Variants in GRIA3 observed in about 807,000 individuals in gnomAD.
GRIA3 encodes glutamate receptor 3.
In GRIA3, 3 loss-of-function variants were observed where a neutral mutation model predicts 63.0. That is an observed-to-expected ratio of 0.05 (90% CI 0.02 to 0.12). GRIA3 has a LOEUF of 0.12. Ranked by LOEUF, GRIA3 falls within the 10% of genes least tolerant of loss-of-function variation. The probability of loss-of-function intolerance (pLI) is 1.00; values close to 1 mark genes in which losing one functional copy is unlikely to be tolerated. For missense variants in GRIA3, 347 were observed against 700.9 expected (o/e 0.50, Z 5.70); for synonymous variants, 274 against 257.9 (o/e 1.06, Z -0.60).
chrX:123,469,204 G>GTC (rs776970938), intron 13 of GRIA3, among the ~76,000 whole-genome samples: 92 of 110,035 alleles, frequency 8.4e-4, no homozygotes, highest in African/African-American at 2.8e-3. Context: ...TTATCTTTCT[G>GTC]TCTCTCTCTC....
intron 5 of GRIA3, among the ~76,000 whole-genome samples, chrX:123,373,318 A>G (rs1339782955): frequency 8.9e-6 from 1 of 111,957 alleles, no homozygotes; most frequent in Non-Finnish European, 1.9e-5. Flanking sequence ...TAGTGCCACA[A>G]TAAACATATG....
At chrX:123,484,763 G>A (rs886847624) in intron 15 of GRIA3, among the ~76,000 whole-genome samples, 2 of 112,635 alleles carry the variant, frequency 1.8e-5, no homozygotes, top group African/African-American at 3.2e-5. Context: ...GATTACAGGC[G>A]TGAGCCACCA....
chrX:123,311,303 A>T (rs1378213167), intron 3 of GRIA3, among the ~76,000 whole-genome samples: 2 of 112,410 alleles, frequency 1.8e-5, no homozygotes, highest in African/African-American at 6.5e-5. Flanking sequence ...CTGTAACATA[A>T]TCAAAAGAGT....
chrX:123,403,108 C>G lies in GRIA3; in HGVS notation c.1185+10C>G, dbSNP rs2045451850. ...CAGTGGCTCTCGAAAAGTAAGTAAC[C>G]AAAACAGACATTTAAAGAAAAGGAC... On this transcript the variant is annotated intron_variant, in intron 8 of 15. Transcript: ENST00000620443. 8 of 891,734 alleles carry G rather than the reference C, an allele frequency of 9.0e-6. No homozygotes were observed. The highest frequency in any genetic ancestry group is 1.2e-5 in the Non-Finnish European group (7 of 605,854). 73.5% of individuals were successfully genotyped at this position (891,734 alleles called of 1,213,427 possible). A position where few individuals can be genotyped will look rare whatever the true frequency, so the allele number is the denominator to read the frequency against.
At chrX:123,294,785 G>C (rs769642354) in intron 3 of GRIA3, among the ~76,000 whole-genome samples, 12 of 111,459 alleles carry the variant, frequency 1.1e-4, no homozygotes, top group Admixed American at 7.6e-4. Flanking sequence ...CGTGCCTACA[G>C]CCTCTCCATA....
At position 123,225,171 on chromosome X, in the gene GRIA3, C is replaced by T. The variant is rs149472527; in HGVS notation, c.269-28132C>T. Among the ~76,000 whole-genome samples the T allele has an allele frequency of 8.1e-4, 91 of 111,827 alleles. 1 individual carries two copies. In the East Asian group the frequency reaches 0.02, roughly 25 times the overall value. On this transcript the variant is annotated intron_variant, in intron 2 of 15. Coordinates refer to ENST00000620443, the MANE Select transcript of GRIA3 (RefSeq NM_007325.5). ...GGTATGTAATTTGGGGCAAGTCAAC[C>T]GGTGTCTCTAAGCTTCAATGTTCTC... is the stretch of plus-strand genomic sequence containing the variant.
At chrX:123,470,898 A>G (rs1292461419) in intron 13 of GRIA3, among the ~76,000 whole-genome samples, 1 of 111,935 alleles carries the variant, frequency 8.9e-6, no homozygotes, top group Admixed American at 9.5e-5. Context: ...CATTTCGGAT[A>G]CTCAGGGTTA....
At chrX:123,343,277 G>T (rs1434457363) in intron 4 of GRIA3, among the ~76,000 whole-genome samples, 1 of 110,919 alleles carries the variant, frequency 9.0e-6, no homozygotes, top group Non-Finnish European at 1.9e-5. Flanking sequence ...CTTTCCACCT[G>T]GGATCCTCTC....
chrX:123,398,861 G>A, intron 7 of GRIA3, 58 bp downstream of exon 7: 1 of 970,836 alleles, frequency 1.0e-6, no homozygotes, highest in Non-Finnish European at 1.5e-6. Flanking sequence ...TAAAAAAGAT[G>A]AGACCTTGAT....
At chrX:123,216,740 G>A (rs1928168297) in intron 2 of GRIA3, among the ~76,000 whole-genome samples, 1 of 112,128 alleles carries the variant, frequency 8.9e-6, no homozygotes, top group South Asian at 3.7e-4. Flanking sequence ...TTTCTAAACA[G>A]GAAAAAGAGT....
intron 5 of GRIA3, among the ~76,000 whole-genome samples, chrX:123,382,156 C>T (rs973835088): frequency 8.9e-6 from 1 of 112,150 alleles, no homozygotes; most frequent in African/African-American, 3.2e-5. Context: ...AAGATCTTTC[C>T]TTTCATCTCC....
rs35601010 is a variant in GRIA3 at position 123,489,000 on chromosome X, C to T, written c.*290C>T. On this transcript the variant is annotated 3_prime_UTR_variant, in exon 16 of 16. Transcript: ENST00000620443. ...AATGGACATGCAAGATTCCAGTATG[C>T]GAAAAAAAATCTTATTAAGTCAATT... 10,066 of 105,310 alleles carry T rather than the reference C, an allele frequency of 0.096. 449 individuals carry two copies. The highest frequency in any genetic ancestry group is 0.17 in the African/African-American group (4,784 of 28,774). The allele number at this position is 105,310 out of a possible 1,213,427, so 8.7% of individuals were successfully genotyped here.
intron 3 of GRIA3, among the ~76,000 whole-genome samples, chrX:123,323,831 C>T (rs1179325762): frequency 8.9e-6 from 1 of 112,057 alleles, no homozygotes; most frequent in Non-Finnish European, 1.9e-5. Context: ...AGAACTGACA[C>T]GTTTTAGTTG....
At position 123,345,007 on chromosome X, in the gene GRIA3, G is replaced by A. The variant is rs755354445; in HGVS notation, c.697-9903G>A. Among the ~76,000 whole-genome samples the A allele has an allele frequency of 1.9e-4, 21 of 111,706 alleles. No homozygotes were observed. In the East Asian group the frequency reaches 5.4e-3, roughly 29 times the overall value. On this transcript the variant is annotated intron_variant, in intron 4 of 15. Transcript: ENST00000620443. ...TCCCTGGAGAGGAGCTCAGGTGCTT[G>A]CATTTTCTAGATTCCCCAGGTGATC...
intron 7 of GRIA3, among the ~76,000 whole-genome samples, chrX:123,399,067 C>T (rs1417258365): frequency 1.8e-5 from 2 of 110,033 alleles, no homozygotes; most frequent in Non-Finnish European, 3.8e-5. Flanking sequence ...TATACTATGG[C>T]TAGTAAATGA....
intron 12 of GRIA3, among the ~76,000 whole-genome samples, chrX:123,459,236 T>C (rs139426599): frequency 0.11 from 12,347 of 111,135 alleles, 1,268 homozygotes; most frequent in African/African-American, 0.33. Context: ...TGACTACATG[T>C]TCTTAAGCAC....
chrX:123,472,917 AATT>A (rs1327764901), intron 13 of GRIA3, among the ~76,000 whole-genome samples: 1 of 112,711 alleles, frequency 8.9e-6, no homozygotes. Flanking sequence ...ACTTATATTA[AATT>A]ATTATCCCAA....
intron 3 of GRIA3, among the ~76,000 whole-genome samples, chrX:123,268,003 T>C (rs1377501974): frequency 1.8e-5 from 2 of 111,321 alleles, no homozygotes; most frequent in Non-Finnish European, 3.8e-5. Context: ...AGAAAAAGAA[T>C]AGTTTCAGGG....
chrX:123,463,676 GAAA>G (rs1569440878), intron 12 of GRIA3, among the ~76,000 whole-genome samples: 1 of 55,311 alleles, frequency 1.8e-5, no homozygotes, highest in East Asian at 5.4e-4. Context: ...AAGAAAGAAA[GAAA>G]GAAAGAGAGA....
Sources: gnomAD v4.1 joint callset for allele counts (sites outside exome capture counted in the v4.1 genomes callset) on GRCh38, gnomAD v4.1.1 for gene constraint, MANE v1.5 for transcripts, NCBI Gene and HGNC (gene_info 2026-07-23, HGNC 2026-07-21) for gene names.